Variants in CTSE observed in about 807,000 individuals in gnomAD.
CTSE encodes erythrocyte membrane aspartic proteinase.
In CTSE, 43 loss-of-function variants were observed where a neutral mutation model predicts 42.8. That is an observed-to-expected ratio of 1.01 (90% CI 0.79 to 1.30). The LOEUF is 1.30. Ranked by LOEUF, CTSE falls within the 50% of genes most tolerant of loss-of-function variation. The pLI is 0.00. For missense variants in CTSE, 532 were observed against 493.5 expected (o/e 1.08, Z -0.74); for synonymous variants, 205 against 191.5 (o/e 1.07, Z -0.58).
rs184830595 is a variant in CTSE at position 206,017,175 on chromosome 1, A to G, written c.463-1045T>C. ...ACATTTTTTGTTAAATTTACATCAA[A>G]GTAGCTGATGGTTTTGATAGTATTA... On this transcript the variant is annotated intron_variant, in intron 4 of 8. Transcript: ENST00000358184. Among the ~76,000 whole-genome samples, 330 of 152,202 alleles carry G rather than the reference A, an allele frequency of 2.2e-3. 2 individuals are homozygous for G. Among genetic ancestry groups the G allele is most frequent in the African/African-American group, 7.5e-3 (310 of 41,544 alleles).
In CTSE at chr1:206,022,145, C is replaced by G. The variant is rs781961318; in HGVS notation, c.343+5G>C. 7 of 1,573,614 alleles carry G rather than the reference C, an allele frequency of 4.4e-6. No homozygotes were observed. The highest frequency in any genetic ancestry group is 6.1e-6 in the Non-Finnish European group (7 of 1,150,776). On this transcript the variant is annotated splice_donor_5th_base_variant and intron_variant, in intron 3 of 8. Transcript: ENST00000358184. ...TTCTCTGCTGGTGCTCCTGGCCCCA[C>G]TTACTGCAGGCTGGGCTAGTGCAGT...
At chr1:206,023,144 AGAGAAG>A in intron 1 of CTSE, 87 bp from the exon 2 acceptor site, 5 of 516,950 alleles carry the variant, frequency 9.7e-6, no homozygotes, top group East Asian at 5.9e-5. Context: ...GGGGCCAACT[AGAGAAG>A]ATGGGGTGGG....
chr1:206,012,187 G>A, intron 8 of CTSE, 121 bp downstream of exon 8: 1 of 768,854 alleles, frequency 1.3e-6, no homozygotes, highest in Middle Eastern at 2.4e-4. Flanking sequence ...CCACATGAGA[G>A]CAGAACAACG....
In CTSE at chr1:206,023,826, T is replaced by A. The variant is rs782699448; in HGVS notation, c.-35A>T. ...GACCAGCAGCTTCTCCCTTGCCCCCTCCTTTCTTCTCTCCCCGAGGGCAGT... is the reference window on the plus strand; with the variant it reads ...GACCAGCAGCTTCTCCCTTGCCCCCACCTTTCTTCTCTCCCCGAGGGCAGT... On this transcript the variant is annotated 5_prime_UTR_variant, in exon 1 of 9. Coordinates refer to ENST00000358184, the MANE Select transcript of CTSE (RefSeq NM_001910.4). The A allele has an allele frequency of 6.2e-7, 1 of 1,606,288 alleles. No individual in the cohort carries two copies. The highest frequency in any genetic ancestry group is 1.1e-5 in the South Asian group (1 of 90,898).
intron 1 of CTSE, 47 bp from the exon 2 acceptor site, chr1:206,023,104 T>C (rs1310660375): frequency 2.8e-6 from 4 of 1,408,808 alleles, no homozygotes; most frequent in Non-Finnish European, 3.8e-6. Flanking sequence ...TCTGCCTCCC[T>C]CTTCCCCCCA....
intron 1 of CTSE, among the ~76,000 whole-genome samples, chr1:206,023,298 G>A (rs1328486882): frequency 6.6e-6 from 1 of 151,858 alleles, no homozygotes; most frequent in Non-Finnish European, 1.5e-5. Context: ...CTGGAGCTGA[G>A]GTCTTTGAGA....
chr1:206,022,046 T>A, intron 3 of CTSE, 104 bp downstream of exon 3: 1 of 691,140 alleles, frequency 1.4e-6, no homozygotes. Flanking sequence ...GTGGCAGGGA[T>A]GGCCAGTTTC....
rs782802882 is a variant in CTSE, at chr1:206,022,136, C to T, written c.343+14G>A. 2 of 1,544,650 alleles carry T rather than the reference C, an allele frequency of 1.3e-6. No individual in the cohort carries two copies. The highest frequency in any genetic ancestry group is 1.8e-6 in the Non-Finnish European group (2 of 1,125,922). On this transcript the variant is annotated intron_variant, in intron 3 of 8. Transcript: ENST00000358184. The stretch of plus-strand genomic sequence containing the variant: ...CCCCAGACATTCTCTGCTGGTGCTC[C>T]TGGCCCCACTTACTGCAGGCTGGGC...
chr1:206,018,030 T>C (rs1169559953), intron 4 of CTSE, among the ~76,000 whole-genome samples: 8 of 152,070 alleles, frequency 5.3e-5, no homozygotes, highest in African/African-American at 1.9e-4. Context: ...CTTGTCTCAT[T>C]CTTGATCTTA....
At chr1:206,012,704 C>T (rs782185239) in intron 6 of CTSE, 55 bp from the exon 7 acceptor site, 57 of 1,592,336 alleles carry the variant, frequency 3.6e-5, no homozygotes, top group Non-Finnish European at 4.8e-5. Context: ...TCCTAGGAAA[C>T]TCCCACTCTT....
rs539302527 is a variant in CTSE, at chr1:206,023,163, G to C, written c.69-106C>G. 2.4e-5 allele frequency: 21 copies of C among 870,626 alleles called. 1 individual carries two copies. Among genetic ancestry groups the C allele is most frequent in the Non-Finnish European group, 2.5e-5 (14 of 556,706 alleles). 53.9% of individuals were successfully genotyped at this position (870,626 alleles called of 1,614,324 possible). A position where few individuals can be genotyped will look rare whatever the true frequency, so the allele number is the denominator to read the frequency against. The stretch of plus-strand genomic sequence containing the variant: ...CCAACTAGAGAAGATGGGGTGGGAG[G>C]GGGGGATCTGCAAGACAGCACGCAG... On this transcript the variant is annotated intron_variant, in intron 1 of 8. Coordinates refer to ENST00000358184, the MANE Select transcript of CTSE (RefSeq NM_001910.4).
chr1:206,019,020 A>G (rs1553278007), intron 4 of CTSE, among the ~76,000 whole-genome samples: 1 of 152,080 alleles, frequency 6.6e-6, no homozygotes, highest in South Asian at 2.1e-4. Flanking sequence ...CATTTCTATT[A>G]ACAACGCATG....
chr1:206,023,391 T>C (rs1661509175), intron 1 of CTSE, among the ~76,000 whole-genome samples: 1 of 151,942 alleles, frequency 6.6e-6, no homozygotes, highest in Non-Finnish European at 1.5e-5. Context: ...AGAAAAACTC[T>C]TGGGGACAGT....
At chr1:206,023,129 TCTCA>T in intron 1 of CTSE, 72 bp from the exon 2 acceptor site, 1 of 955,042 alleles carries the variant, frequency 1.0e-6, no homozygotes, top group African/African-American at 1.7e-5. Context: ...CGTCCCATTT[TCTCA>T]GGGGCCAACT....
At chr1:206,022,498 T>G (rs1553278607) in intron 2 of CTSE, among the ~76,000 whole-genome samples, 1 of 152,092 alleles carries the variant, frequency 6.6e-6, no homozygotes, top group Admixed American at 6.6e-5. Context: ...TGATTTTACT[T>G]GCACTAACCT....
chr1:206,019,055 A>G (rs148057453), intron 4 of CTSE, among the ~76,000 whole-genome samples: 92 of 152,224 alleles, frequency 6.0e-4, no homozygotes, highest in African/African-American at 2.2e-3. Context: ...TGGTCCCTTT[A>G]AGGGCTGCAT....
Position 206,009,679 on chromosome 1 carries a change from G to C in CTSE, c.*504C>G, listed in dbSNP as rs542149012. On this transcript the variant is annotated 3_prime_UTR_variant, in exon 9 of 9. Coordinates refer to ENST00000358184, the MANE Select transcript of CTSE (RefSeq NM_001910.4). ...GAATTCCGATTGTATATTTAAGGAT[G>C]TTAGAAATATTTATGGACAAAATGA... 6.4e-6 allele frequency: 1 copy of C among 156,098 alleles called. No homozygotes were observed. Among genetic ancestry groups the C allele is most frequent in the East Asian group, 1.9e-4 (1 of 5,312 alleles). 9.7% of individuals were successfully genotyped at this position (156,098 alleles called of 1,614,324 possible).
In CTSE at chr1:206,012,335, G is replaced by A. The variant is rs782539052; in HGVS notation, c.999C>T (p.Thr333=). ...GTAGGGTGTAGGCAGTTGGGCTGAG[G>A]GTATAGGGGACTCCGTTAATGGTGA... ...VTFTINGVPY[T]LSPTAYTLLD... Residue 333 remains threonine (T), a synonymous_variant, in exon 8 of 9, where the codon ACC becomes ACT. Transcript: ENST00000358184. The A allele has an allele frequency of 1.2e-5, 20 of 1,613,840 alleles. No homozygotes were observed. In the Admixed American group the frequency reaches 1.5e-4, roughly 12 times the overall value.
chr1:206,022,883 G>C lies in CTSE; in HGVS notation c.225+18C>G, dbSNP rs1461245750. 1 of 1,550,728 alleles carries C rather than the reference G, an allele frequency of 6.4e-7. No homozygotes were observed. Among genetic ancestry groups the C allele is most frequent in the African/African-American group, 1.4e-5 (1 of 73,342 alleles). ...CCCGCTCCCACCTCTCCCCAGCCCTGACCCCAGGAGGCCTCACATCCAAGT... is the reference window on the plus strand; with the variant it reads ...CCCGCTCCCACCTCTCCCCAGCCCTCACCCCAGGAGGCCTCACATCCAAGT... On this transcript the variant is annotated intron_variant, in intron 2 of 8. Transcript: ENST00000358184.
Sources: allele counts gnomAD v4.1 joint callset (sites outside exome capture counted in the v4.1 genomes callset), GRCh38; gene constraint gnomAD v4.1.1; transcripts MANE v1.5; gene names NCBI Gene and HGNC (gene_info 2026-07-23, HGNC 2026-07-21).